The following VANGL2 variants were observed in gnomAD, a reference collection of about 807,000 sequenced individuals.
VANGL2 encodes VANGL planar cell polarity protein 2, also known as vang-like protein 2.
A neutral mutation model predicts 50.2 loss-of-function variants in VANGL2; 14 were observed. The ratio of observed to expected loss-of-function variants is 0.28; its 90% confidence interval spans 0.18 to 0.44. VANGL2 has a LOEUF of 0.44. Among genes scored for constraint, VANGL2 ranks in the 20% least tolerant of loss-of-function variants. The pLI, the probability that VANGL2 is intolerant of heterozygous loss-of-function variation, is 1.00. For synonymous variants in VANGL2, 295 were observed against 297.2 expected (o/e 0.99, Z 0.08); for missense variants, 533 against 701.5 (o/e 0.76, Z 2.71).
rs1205774476 is a variant in VANGL2, at chr1:160,415,848, A to C, written c.11A>C (p.Glu4Ala). ...CGGCGTTCAGACGCCATGGACACCGAGTCCCAGTACTCGGGCTATTCCTAC... is the reference window on the plus strand; with the variant it reads ...CGGCGTTCAGACGCCATGGACACCGCGTCCCAGTACTCGGGCTATTCCTAC... MDTESQYSGYSYKS... is the reference protein window; with the variant it reads MDTASQYSGYSYKS... Residue 4 changes from glutamate (E) to alanine (A), a missense_variant, in exon 2 of 8, where the codon GAG becomes GCG. By Grantham distance (107) the Glu-to-Ala change is moderately radical. Coordinates refer to ENST00000368061, the MANE Select transcript of VANGL2 (RefSeq NM_020335.3). 1.2e-6 allele frequency: 2 copies of C among 1,613,728 alleles called. No individual in the cohort carries two copies. Among genetic ancestry groups the C allele is most frequent in the African/African-American group, 1.3e-5 (1 of 75,066 alleles).
At chr1:160,421,591 C>T (rs73010493) in intron 6 of VANGL2, among the ~76,000 whole-genome samples, 2,448 of 152,296 alleles carry the variant, frequency 0.016, 79 homozygotes, top group African/African-American at 0.056. Context: ...CTGACCTCTG[C>T]CACCAGCTGG....
intron 3 of VANGL2, among the ~76,000 whole-genome samples, chr1:160,417,356 T>A (rs1408472104): frequency 6.6e-6 from 1 of 152,126 alleles, no homozygotes; most frequent in Non-Finnish European, 1.5e-5. Flanking sequence ...GAAGGGTGGG[T>A]GCTGAAGGCA....
intron 7 of VANGL2, 104 bp downstream of exon 7, chr1:160,424,387 C>A: frequency 9.0e-7 from 1 of 1,107,102 alleles, no homozygotes; most frequent in Non-Finnish European, 1.3e-6. Context: ...CTGTCCACCT[C>A]ATTTCTCTCT....
At position 160,419,530 on chromosome 1, in the gene VANGL2, C is replaced by G. The variant is rs867906274; in HGVS notation, c.721C>G (p.Gln241Glu). 1.2e-6 allele frequency: 2 copies of G among 1,601,202 alleles called. No individual in the cohort carries two copies. The highest frequency in any genetic ancestry group is 1.7e-4 in the Middle Eastern group (1 of 6,058). The change falls in exon 4 of 8, where the codon CAG (glutamine) becomes GAG (glutamate). Residue 241 changes from glutamine to glutamate, a missense_variant. Gln to Glu is a conservative substitution (Grantham distance 29). Coordinates refer to ENST00000368061, the MANE Select transcript of VANGL2 (RefSeq NM_020335.3). The surrounding 1 kb of genome is among the most constrained non-coding windows in gnomAD (Gnocchi z 5.8). Reference sequence around the variant, plus strand: ...GGCCGTGGTCCTGCTGGAGCTGCGCCAGCTCCAGCCTCAGTTCACGCTCAA... The same window carrying G: ...GGCCGTGGTCCTGCTGGAGCTGCGCGAGCTCCAGCCTCAGTTCACGCTCAA... ...YLAVVLLELR[Q>E]LQPQFTLKVV... is the part of the protein sequence containing the mutation.
rs201620920 is a variant in VANGL2, at chr1:160,419,425, G to C, written c.616G>C (p.Asp206His). Residue 206 changes from aspartate (D) to histidine (H), a missense_variant, in exon 4 of 8, where the codon GAT (aspartate) becomes CAT (histidine). Asp to His is a moderately conservative substitution (Grantham distance 81). Coordinates refer to ENST00000368061, the MANE Select transcript of VANGL2 (RefSeq NM_020335.3). The surrounding 1 kb of genome is among the most constrained non-coding windows in gnomAD (Gnocchi z 5.8). ...YWLFYGVRIL[D>H]ARERSYQGVV... ...GCTCTTCTATGGTGTGCGCATCCTG[G>C]ATGCTCGGGAGCGCAGCTACCAGGG... The C allele has an allele frequency of 6.2e-7, 1 of 1,611,906 alleles. No homozygotes were observed. The highest frequency in any genetic ancestry group is 2.2e-5 in the East Asian group (1 of 44,884).
At chr1:160,421,343 T>C (rs1651267135) in intron 6 of VANGL2, among the ~76,000 whole-genome samples, 156 bp downstream of exon 6, 1 of 152,176 alleles carries the variant, frequency 6.6e-6, no homozygotes, top group Non-Finnish European at 1.5e-5. Context: ...CAGATTACCA[T>C]AAACTTAGCA....
chr1:160,424,019 G>T (rs1651362062), intron 6 of VANGL2, 33 bp from the exon 7 acceptor site: 1 of 1,609,810 alleles, frequency 6.2e-7, no homozygotes, highest in African/African-American at 1.3e-5. Context: ...AAAGAGAGGT[G>T]GGCATCTGGC....
At position 160,426,636 on chromosome 1, in the gene VANGL2, T is replaced by G. The variant is rs1224309040; in HGVS notation, c.*1258T>G. On this transcript the variant is annotated 3_prime_UTR_variant, in exon 8 of 8. Coordinates refer to ENST00000368061, the MANE Select transcript of VANGL2 (RefSeq NM_020335.3). ...AGTCTTTGCACCAAATCCAAATTCT[T>G]GATAATTTAGATCTCATTTTGAGCA... is the stretch of plus-strand genomic sequence containing the variant. 1 of 152,622 alleles carries G rather than the reference T, an allele frequency of 6.6e-6. No homozygotes were observed. The highest frequency in any genetic ancestry group is 2.4e-5 in the African/African-American group (1 of 41,438). The allele number at this position is 152,622 out of a possible 1,614,324, so 9.5% of individuals were successfully genotyped here. A position where few individuals can be genotyped will look rare whatever the true frequency, so the allele number is the denominator to read the frequency against.
intron 6 of VANGL2, among the ~76,000 whole-genome samples, chr1:160,423,464 G>A (rs564933404): frequency 1.3e-4 from 20 of 152,128 alleles, no homozygotes; most frequent in Admixed American, 3.9e-4. Context: ...TAACTACTTC[G>A]TATATCTTTT....
intron 1 of VANGL2, among the ~76,000 whole-genome samples, chr1:160,409,048 G>A (rs1650786211): frequency 6.6e-6 from 1 of 152,218 alleles, no homozygotes; most frequent in South Asian, 2.1e-4. Flanking sequence ...AGGCTCTTTG[G>A]TTCTGGCTGT....
chr1:160,402,446 G>A (rs1170261951), intron 1 of VANGL2, among the ~76,000 whole-genome samples: 3 of 152,166 alleles, frequency 2.0e-5, no homozygotes, highest in Admixed American at 6.5e-5. Flanking sequence ...GGTGTGGGAT[G>A]GAAACAAGAG....
At chr1:160,406,408 T>C (rs1174812014) in intron 1 of VANGL2, among the ~76,000 whole-genome samples, 1 of 152,120 alleles carries the variant, frequency 6.6e-6, no homozygotes, top group East Asian at 1.9e-4. Flanking sequence ...AACGATCTCA[T>C]CTCCAGGAGG....
At chr1:160,404,512 A>G (rs185222291) in intron 1 of VANGL2, among the ~76,000 whole-genome samples, 3 of 152,316 alleles carry the variant, frequency 2.0e-5, no homozygotes, top group Admixed American at 2.0e-4. Flanking sequence ...CTAGTCCCCA[A>G]ACATTTGCAC....
At chr1:160,418,459 T>G (rs111812376) in intron 3 of VANGL2, among the ~76,000 whole-genome samples, 81 of 142,032 alleles carry the variant, frequency 5.7e-4, no homozygotes, top group African/African-American at 2.0e-3. Context: ...GAGTTTTTTG[T>G]TTTTTTTTTT....
Position 160,416,421 on chromosome 1 carries a change from G to C in VANGL2, c.192+239G>C, listed in dbSNP as rs141472934. ...TCTCCTTCCTTATCTCCAGAGGAGT[G>C]GGGGGTGACCTGGGCTGTATGATGG... is the stretch of plus-strand genomic sequence containing the variant. On this transcript the variant is annotated intron_variant, in intron 3 of 7. Transcript: ENST00000368061. 5.6e-3 allele frequency among the ~76,000 whole-genome samples: 860 copies of C among 152,292 alleles called. 6 individuals carry two copies. The highest frequency in any genetic ancestry group is 8.7e-3 in the South Asian group (42 of 4,824).
At chr1:160,414,089 C>T (rs1223626297) in intron 1 of VANGL2, among the ~76,000 whole-genome samples, 1 of 152,238 alleles carries the variant, frequency 6.6e-6, no homozygotes, top group Non-Finnish European at 1.5e-5. Context: ...CTGTTACTCA[C>T]TCTTCTGTGG....
Position 160,419,655 on chromosome 1 carries a change from G to C in VANGL2, c.800+46G>C. The C allele has an allele frequency of 6.3e-7, 1 of 1,591,170 alleles. No individual in the cohort carries two copies. The highest frequency in any genetic ancestry group is 1.3e-5 in the African/African-American group (1 of 74,850). On this transcript the variant is annotated intron_variant, in intron 4 of 7. Coordinates refer to ENST00000368061, the MANE Select transcript of VANGL2 (RefSeq NM_020335.3). This position sits in a 1 kb window ranked among gnomAD's most constrained non-coding sequence, Gnocchi z 5.8. ...AAGGGTTGGGAGGGAAAGGGCATGG[G>C]AGGATGTGGAGTGACTGCTAGGGTG...
At chr1:160,415,975 G>C in intron 2 of VANGL2, 67 bp downstream of exon 2, 1 of 1,614,172 alleles carries the variant, frequency 6.2e-7, no homozygotes, top group Non-Finnish European at 8.5e-7. Flanking sequence ...AGGTGGGCAC[G>C]TGCAGGGGTG....
At chr1:160,411,569 A>G (rs1314153615) in intron 1 of VANGL2, among the ~76,000 whole-genome samples, 2 of 152,102 alleles carry the variant, frequency 1.3e-5, no homozygotes, top group Non-Finnish European at 2.9e-5. Context: ...ACTTGAAGAC[A>G]CAGCAGGCAA....
Sources: gnomAD v4.1 joint callset for allele counts (sites outside exome capture counted in the v4.1 genomes callset) on GRCh38, gnomAD v4.1.1 for gene constraint, Gnocchi (gnomAD v3.1) non-coding constraint, MANE v1.5 for transcripts, NCBI Gene and HGNC (gene_info 2026-07-23, HGNC 2026-07-21) for gene names.